The following KCNN3 variants were observed in gnomAD, a reference collection of about 807,000 sequenced individuals.
KCNN3 encodes potassium calcium-activated channel subfamily N member 3.
A neutral mutation model predicts 62.9 loss-of-function variants in KCNN3; 16 were observed. The ratio of observed to expected loss-of-function variants is 0.25; its 90% CI spans 0.17 to 0.39. KCNN3 has a LOEUF of 0.39. KCNN3 is among the 10% of genes least tolerant of loss of function. The probability of loss-of-function intolerance (pLI) is 1.00; values close to 1 mark genes in which losing one functional copy is unlikely to be tolerated. For missense variants in KCNN3, 599 were observed against 949.4 expected, an observed-to-expected ratio of 0.63 and a Z score of 4.85; for synonymous variants, 370 against 389.2, an observed-to-expected ratio of 0.95 and a Z score of 0.58.
intron 1 of KCNN3, among the ~76,000 whole-genome samples, chr1:154,845,240 A>T (rs1488061151): frequency 6.6e-6 from 1 of 152,148 alleles, no homozygotes; most frequent in Non-Finnish European, 1.5e-5. Context: ...CAATTGTTTC[A>T]ACTTGACACC....
chr1:154,825,087 C>G (rs1304503268), intron 1 of KCNN3, among the ~76,000 whole-genome samples: 1 of 152,236 alleles, frequency 6.6e-6, no homozygotes, highest in Non-Finnish European at 1.5e-5. Context: ...AGCATCTTCT[C>G]TTTGCTGCCT....
chr1:154,834,504 G>T (rs976131728), intron 1 of KCNN3, among the ~76,000 whole-genome samples: 3 of 152,176 alleles, frequency 2.0e-5, no homozygotes, highest in African/African-American at 7.2e-5. Flanking sequence ...ACATGAGGCA[G>T]CCCCATCTCA....
chr1:154,728,955 G>A (rs1031332611), intron 4 of KCNN3, among the ~76,000 whole-genome samples: 1 of 152,182 alleles, frequency 6.6e-6, no homozygotes, highest in Non-Finnish European at 1.5e-5. Flanking sequence ...AGTGGTATAA[G>A]GATTGCCTGT....
chr1:154,850,755 G>A (rs1437245222), intron 1 of KCNN3, among the ~76,000 whole-genome samples: 1 of 152,176 alleles, frequency 6.6e-6, no homozygotes, highest in Admixed American at 6.5e-5. Context: ...TATCTTTAGC[G>A]TTTTGTATCA....
At chr1:154,866,461 T>C (rs1005368182) in intron 1 of KCNN3, among the ~76,000 whole-genome samples, 1 of 152,068 alleles carries the variant, frequency 6.6e-6, no homozygotes, top group African/African-American at 2.4e-5. Flanking sequence ...ATCACACAAA[T>C]AGTAGTGGCA....
chr1:154,822,354 G>C (rs1366009659), intron 1 of KCNN3, among the ~76,000 whole-genome samples, 170 bp from the exon 2 acceptor site: 1 of 152,200 alleles, frequency 6.6e-6, no homozygotes, highest in African/African-American at 2.4e-5. Context: ...AAAGCCTTGG[G>C]CTGTGCCCGG....
At chr1:154,817,257 C>T (rs979310363) in intron 2 of KCNN3, among the ~76,000 whole-genome samples, 1 of 152,172 alleles carries the variant, frequency 6.6e-6, no homozygotes, top group Non-Finnish European at 1.5e-5. Context: ...GAACAAAAGC[C>T]ACAGTCTCTG....
rs887671142 is a variant in KCNN3, at chr1:154,862,984, G to A, written c.933+6048C>T. ...ACCGCTGGCAGTGTCAGTGTGGCCC[G>A]GTGACTTCATCTACACAGGGGGCGG... On this transcript the variant is annotated intron_variant, in intron 1 of 7. Transcript: ENST00000271915. The surrounding 1 kb of genome is among the most constrained non-coding windows in gnomAD (Gnocchi z 4.1). Among the ~76,000 whole-genome samples the A allele has an allele frequency of 5.3e-5, 8 of 151,660 alleles. No individual in the cohort carries two copies. The highest frequency in any genetic ancestry group is 7.3e-5 in the African/African-American group (3 of 41,228).
intron 1 of KCNN3, among the ~76,000 whole-genome samples, chr1:154,825,973 G>A (rs1365623275): frequency 2.0e-5 from 3 of 151,244 alleles, no homozygotes; most frequent in Non-Finnish European, 2.9e-5. Context: ...GCATGAACCC[G>A]GGAGGCGGAG....
chr1:154,734,265 A>T (rs1408008158), intron 3 of KCNN3, among the ~76,000 whole-genome samples: 2 of 152,218 alleles, frequency 1.3e-5, no homozygotes, highest in Non-Finnish European at 2.9e-5. Context: ...TCTGTATTTT[A>T]TACTGTAGGG....
chr1:154,822,248 G>T, intron 1 of KCNN3, 64 bp from the exon 2 acceptor site: 1 of 1,242,286 alleles, frequency 8.0e-7, no homozygotes, highest in Non-Finnish European at 1.2e-6. Flanking sequence ...ACTTTATTCT[G>T]CGGCTGTGTA....
At chr1:154,716,734 A>T (rs1700239903) in intron 5 of KCNN3, among the ~76,000 whole-genome samples, 1 of 152,228 alleles carries the variant, frequency 6.6e-6, no homozygotes, top group Non-Finnish European at 1.5e-5. Context: ...CTTGCCTGAA[A>T]GGAAGCAGGT....
At chr1:154,764,910 T>C (rs904785796) in intron 3 of KCNN3, among the ~76,000 whole-genome samples, 2 of 152,192 alleles carry the variant, frequency 1.3e-5, no homozygotes, top group Admixed American at 6.5e-5. Flanking sequence ...GGCAAACGAG[T>C]TCCCCCCAAA....
chr1:154,735,745 G>T (rs965000442), intron 3 of KCNN3, among the ~76,000 whole-genome samples: 3 of 152,188 alleles, frequency 2.0e-5, no homozygotes, highest in Admixed American at 2.0e-4. Context: ...TAGGCCCTCA[G>T]GTCAATGCAA....
At position 154,708,086 on chromosome 1, in the gene KCNN3, G is replaced by A. The variant is rs1193116792; in HGVS notation, c.2086C>T (p.Arg696Trp). The change falls in exon 8 of 8, where the codon CGG (arginine) becomes TGG (tryptophan). Residue 696 changes from arginine (R) to tryptophan (W), a missense_variant. Physicochemically the swap from Arg to Trp is moderately radical, Grantham distance 101. This residue lies in a region of KCNN3 where 52 missense variants were observed against 53.3 expected (regional missense o/e 0.98). Coordinates refer to ENST00000271915, the MANE Select transcript of KCNN3 (RefSeq NM_002249.6). ...QQLLSAIIEA[R>W]GVSVAVGTTH... ...GTGCCCACTGCCACGCTGACACCCC[G>A]GGCCTCGATGATGGCAGACAGGAGC... 2.5e-6 allele frequency: 4 copies of A among 1,613,940 alleles called. No homozygotes were observed. Among genetic ancestry groups the A allele is most frequent in the South Asian group, 2.2e-5 (2 of 91,066 alleles).
At chr1:154,791,590 G>A (rs1420011439) in intron 2 of KCNN3, among the ~76,000 whole-genome samples, 1 of 152,188 alleles carries the variant, frequency 6.6e-6, no homozygotes, top group Non-Finnish European at 1.5e-5. Context: ...TCCAGTCACT[G>A]CTGTGGTCAA....
At chr1:154,820,182 G>C (rs1650831908) in intron 2 of KCNN3, among the ~76,000 whole-genome samples, 1 of 152,188 alleles carries the variant, frequency 6.6e-6, no homozygotes, top group Non-Finnish European at 1.5e-5. Flanking sequence ...CTGCCACCAG[G>C]CCGGAACTGA....
At chr1:154,724,677 C>T (rs1217772261) in intron 5 of KCNN3, among the ~76,000 whole-genome samples, 2 of 152,142 alleles carry the variant, frequency 1.3e-5, no homozygotes, top group Non-Finnish European at 2.9e-5. Context: ...AGTGGGGTGT[C>T]CAACTTTCAG....
chr1:154,868,953 A>AAT (rs879240397), intron 1 of KCNN3, 79 bp downstream of exon 1: 2 of 437,124 alleles, frequency 4.6e-6, no homozygotes, highest in Non-Finnish European at 5.9e-6. Context: ...TCTCTCTCAC[A>AAT]ATCCCCCTCT....
Sources: allele counts gnomAD v4.1 joint callset (sites outside exome capture counted in the v4.1 genomes callset), GRCh38; gene constraint gnomAD v4.1.1; regional missense constraint gnomAD v4.1.1; non-coding constraint Gnocchi (gnomAD v3.1); transcripts MANE v1.5; gene names NCBI Gene and HGNC (gene_info 2026-07-23, HGNC 2026-07-21).